Variants in ITGBL1 observed in about 807,000 individuals in gnomAD.
ITGBL1 encodes the protein integrin beta-like protein 1.
A neutral mutation model predicts 68.5 loss-of-function variants in ITGBL1; 51 were observed. The ratio of observed to expected loss-of-function variants is 0.74; its 90% CI spans 0.59 to 0.94. ITGBL1 has a LOEUF of 0.94. Among genes scored for constraint, ITGBL1 ranks in the 40% least tolerant of loss-of-function variants. The pLI, the probability that ITGBL1 is intolerant of heterozygous loss-of-function variation, is 0.00. For missense variants in ITGBL1, 649 were observed against 647.4 expected (o/e 1.00, Z -0.03); for synonymous variants, 209 against 227.3 (o/e 0.92, Z 0.72).
intron 2 of ITGBL1, among the ~76,000 whole-genome samples, chr13:101,550,714 A>C (rs1286127121): frequency 2.0e-5 from 3 of 152,190 alleles, no homozygotes; most frequent in Non-Finnish European, 4.4e-5. Flanking sequence ...TAGAGTAATA[A>C]ATTTAAGAAA....
At chr13:101,523,562 C>G (rs2139139620) in intron 2 of ITGBL1, among the ~76,000 whole-genome samples, 1 of 152,286 alleles carries the variant, frequency 6.6e-6, no homozygotes, top group African/African-American at 2.4e-5. Context: ...GCTGGTTTTT[C>G]ATGTTAAAAC....
At chr13:101,567,992 A>G (rs1356396245) in intron 3 of ITGBL1, 147 bp downstream of exon 3, 8 of 679,746 alleles carry the variant, frequency 1.2e-5, no homozygotes, top group African/African-American at 1.1e-4. Flanking sequence ...ATAAATCAAT[A>G]GAAAAAAAAT....
At chr13:101,660,010 G>GTTC (rs1390981172) in intron 7 of ITGBL1, among the ~76,000 whole-genome samples, 1 of 152,112 alleles carries the variant, frequency 6.6e-6, no homozygotes, top group Non-Finnish European at 1.5e-5. Flanking sequence ...TGTGGAGACT[G>GTTC]TTCTTCTGTG....
chr13:101,487,508 A>G (rs2048717925), intron 2 of ITGBL1, among the ~76,000 whole-genome samples: 1 of 152,254 alleles, frequency 6.6e-6, no homozygotes, highest in South Asian at 2.1e-4. Flanking sequence ...CAAAATATTT[A>G]ATATAAATCA....
intron 7 of ITGBL1, among the ~76,000 whole-genome samples, chr13:101,599,849 A>G (rs1461005440): frequency 6.6e-6 from 1 of 152,126 alleles, no homozygotes; most frequent in Non-Finnish European, 1.5e-5. Flanking sequence ...GCCTTGTAGT[A>G]TAGTTTGAAG....
chr13:101,452,848 C>A lies in ITGBL1; in HGVS notation c.15C>A (p.Gly5=), dbSNP rs2048183161. ...AGGAGCTCAGCATGCGTCCCCCAGG[C>A]TTCAGGAACTTCTTGCTGCTGGCGT... The part of the protein sequence containing the change: MRPP[G]FRNFLLLASS... Residue 5 remains glycine, a synonymous_variant, in exon 1 of 11, where the codon GGC becomes GGA. Transcript: ENST00000376180. 5 of 1,614,142 alleles carry A rather than the reference C, an allele frequency of 3.1e-6. No homozygotes were observed. The highest frequency in any genetic ancestry group is 4.2e-6 in the Non-Finnish European group (5 of 1,180,010).
At chr13:101,496,241 G>A (rs958813419) in intron 2 of ITGBL1, among the ~76,000 whole-genome samples, 5 of 152,308 alleles carry the variant, frequency 3.3e-5, no homozygotes, top group Admixed American at 2.0e-4. Flanking sequence ...CTCCCGGGCA[G>A]GCTAGTGTTC....
chr13:101,580,111 G>T (rs1217504709), intron 5 of ITGBL1, among the ~76,000 whole-genome samples: 1 of 152,014 alleles, frequency 6.6e-6, no homozygotes, highest in Non-Finnish European at 1.5e-5. Flanking sequence ...CTTTGCTGTA[G>T]TGATAAAGAG....
chr13:101,507,558 TATC>T (rs2049046227), intron 2 of ITGBL1, among the ~76,000 whole-genome samples: 1 of 152,174 alleles, frequency 6.6e-6, no homozygotes, highest in Non-Finnish European at 1.5e-5. Flanking sequence ...GCACCCACAA[TATC>T]ATCGATGTTA....
At chr13:101,704,885 C>T (rs12584747) in intron 8 of ITGBL1, among the ~76,000 whole-genome samples, 1 of 152,132 alleles carries the variant, frequency 6.6e-6, no homozygotes, top group African/African-American at 2.4e-5. Flanking sequence ...GTAAATCAAG[C>T]TAGGTGAAAA....
intron 4 of ITGBL1, among the ~76,000 whole-genome samples, chr13:101,577,146 A>T (rs1450859664): frequency 1.3e-5 from 2 of 151,934 alleles, no homozygotes; most frequent in African/African-American, 2.4e-5. Flanking sequence ...TTCATGGTGC[A>T]AAGTCTCTGA....
Position 101,503,710 on chromosome 13 carries a change from A to AG in ITGBL1, c.316+49613dup, listed in dbSNP as rs1225165743. On this transcript the variant is annotated intron_variant, in intron 2 of 10. Transcript: ENST00000376180. The stretch of plus-strand genomic sequence containing the variant: ...TTGTGTGGAGGGGTTAGTCCCTGGG[A>AG]GGGAATAATCTTCCTTCAGTCTCAA... Among the ~76,000 whole-genome samples the AG allele has an allele frequency of 3.3e-5, 5 of 152,192 alleles. No individual in the cohort carries two copies. In the South Asian group the frequency reaches 8.3e-4, roughly 25 times the overall value.
chr13:101,696,819 G>A (rs750862534), intron 8 of ITGBL1, among the ~76,000 whole-genome samples: 1 of 152,100 alleles, frequency 6.6e-6, no homozygotes, highest in Non-Finnish European at 1.5e-5. Flanking sequence ...AAATGATCAA[G>A]TAAAGGATTC....
At chr13:101,656,938 AT>A (rs539986570) in intron 7 of ITGBL1, among the ~76,000 whole-genome samples, 87 of 140,526 alleles carry the variant, frequency 6.2e-4, no homozygotes, top group East Asian at 5.2e-3. Flanking sequence ...TATTGCTTCT[AT>A]TTTTTTTTCT....
intron 2 of ITGBL1, among the ~76,000 whole-genome samples, chr13:101,529,024 G>A (rs1452704690): frequency 2.0e-5 from 3 of 151,674 alleles, no homozygotes; most frequent in Non-Finnish European, 2.9e-5. Context: ...CAAAAATTAG[G>A]CACTATACCA....
In ITGBL1 at chr13:101,651,931, C is replaced by A. The variant is rs116695777; in HGVS notation, c.1016-40654C>A. Among the ~76,000 whole-genome samples, 1,355 of 152,190 alleles carry A rather than the reference C, an allele frequency of 8.9e-3. 17 individuals carry two copies. Among genetic ancestry groups the A allele is most frequent in the African/African-American group, 0.03 (1,263 of 41,520 alleles). Reference sequence around the variant, plus strand: ...AGCACCACTCATTAAGTAAGGAGTTCTTTCCCCATTGCTTGTTTTCGTCAG... The same window carrying A: ...AGCACCACTCATTAAGTAAGGAGTTATTTCCCCATTGCTTGTTTTCGTCAG... On this transcript the variant is annotated intron_variant, in intron 7 of 10. Transcript: ENST00000376180.
At chr13:101,614,174 T>C (rs2031256096) in intron 7 of ITGBL1, among the ~76,000 whole-genome samples, 2 of 152,156 alleles carry the variant, frequency 1.3e-5, no homozygotes, top group South Asian at 4.1e-4. Flanking sequence ...ATTTGTTCTA[T>C]ATGAAAGATA....
At chr13:101,676,930 C>A (rs1006866899) in intron 7 of ITGBL1, among the ~76,000 whole-genome samples, 7 of 151,990 alleles carry the variant, frequency 4.6e-5, no homozygotes, top group Non-Finnish European at 7.4e-5. Flanking sequence ...CAGTCGAGGC[C>A]AGGAGTTGGG....
chr13:101,655,829 A>T (rs1050283061), intron 7 of ITGBL1, among the ~76,000 whole-genome samples: 2 of 152,176 alleles, frequency 1.3e-5, no homozygotes, highest in Non-Finnish European at 2.9e-5. Context: ...GAAAGCCTTA[A>T]TATTGTTGAC....
Sources: allele counts gnomAD v4.1 joint callset (sites outside exome capture counted in the v4.1 genomes callset), GRCh38; gene constraint gnomAD v4.1.1; transcripts MANE v1.5; gene names NCBI Gene and HGNC (gene_info 2026-07-23, HGNC 2026-07-21).